The following FOCAD variants were observed in gnomAD, a reference collection of about 807,000 sequenced individuals.
The protein encoded by FOCAD is focadhesin, also known as KIAA1797.
FOCAD carries 198 observed loss-of-function variants against 225.6 expected under a neutral mutation model. The ratio of observed to expected loss-of-function variants is 0.88; its 90% CI spans 0.78 to 0.99. The LOEUF (loss-of-function observed/expected upper bound fraction) is 0.99. Among genes scored for constraint, FOCAD ranks in the 50% least tolerant of loss-of-function variants. The pLI, the probability that FOCAD is intolerant of heterozygous loss-of-function variation, is 0.00. For missense variants in FOCAD, 2,713 were observed against 2,123.6 expected, an observed-to-expected ratio of 1.28 and a Z score of -5.46; for synonymous variants, 897 against 755.0, an observed-to-expected ratio of 1.19 and a Z score of -3.08.
intron 35 of FOCAD, among the ~76,000 whole-genome samples, chr9:20,953,557 G>A (rs912661379): frequency 6.6e-6 from 1 of 152,146 alleles, no homozygotes; most frequent in Non-Finnish European, 1.5e-5. Flanking sequence ...TTGTGATTCT[G>A]TATTGCTGCC....
intron 5 of FOCAD, among the ~76,000 whole-genome samples, chr9:20,750,420 A>G (rs1315634806): frequency 6.6e-6 from 1 of 152,198 alleles, no homozygotes; most frequent in Non-Finnish European, 1.5e-5. Flanking sequence ...ATATTATATT[A>G]AATGCTTTAC....
chr9:20,875,793 C>T (rs1830178925), intron 19 of FOCAD: 1 of 151,974 alleles, frequency 6.6e-6, no homozygotes. Flanking sequence ...ATGTTATTTT[C>T]TGATCATTAA....
At chr9:20,791,080 G>A (rs1212760534) in intron 11 of FOCAD, among the ~76,000 whole-genome samples, 1 of 152,150 alleles carries the variant, frequency 6.6e-6, no homozygotes, top group African/African-American at 2.4e-5. Flanking sequence ...CACTTGGTAG[G>A]ATAATCTCTA....
At chr9:20,858,664 T>C (rs914351331) in intron 15 of FOCAD, among the ~76,000 whole-genome samples, 12 of 152,154 alleles carry the variant, frequency 7.9e-5, no homozygotes, top group Non-Finnish European at 1.6e-4. Flanking sequence ...TTTCTAGTTA[T>C]TTAAGATGTA....
At chr9:20,931,919 A>AGG (rs71496863) in intron 27 of FOCAD, among the ~76,000 whole-genome samples, 13 of 118,954 alleles carry the variant, frequency 1.1e-4, no homozygotes, top group African/African-American at 2.1e-4. Flanking sequence ...AAAAAAAAAA[A>AGG]GGGGGGGAGA....
chr9:20,862,492 T>G, intron 15 of FOCAD, 86 bp from the exon 16 acceptor site: 2 of 1,429,394 alleles, frequency 1.4e-6, no homozygotes, highest in South Asian at 1.5e-5. Context: ...TTAAGTTTCC[T>G]TATAATAAAA....
At chr9:20,968,614 G>T (rs547426004) in intron 35 of FOCAD, among the ~76,000 whole-genome samples, 16 of 151,236 alleles carry the variant, frequency 1.1e-4, no homozygotes, top group African/African-American at 3.9e-4. Context: ...GCTAATTTTT[G>T]TATTTTTAGT....
intron 35 of FOCAD, chr9:20,957,482 T>TTTTTTTTTC: frequency 8.6e-6 from 1 of 115,748 alleles, no homozygotes; most frequent in East Asian, 2.8e-4. Flanking sequence ...TCTTTTCTTT[T>TTTTTTTTTC]TTTTTTTTTT....
At chr9:20,809,487 G>A (rs1228232555) in intron 11 of FOCAD, among the ~76,000 whole-genome samples, 2 of 152,088 alleles carry the variant, frequency 1.3e-5, no homozygotes, top group African/African-American at 4.8e-5. Context: ...ATAGCCAAAT[G>A]TGGCTAGTGG....
intron 11 of FOCAD, among the ~76,000 whole-genome samples, chr9:20,808,643 C>G (rs1822720378): frequency 6.6e-6 from 1 of 152,070 alleles, no homozygotes; most frequent in Non-Finnish European, 1.5e-5. Flanking sequence ...AATAGATGTG[C>G]CTTGAAAAAT....
intron 17 of FOCAD, among the ~76,000 whole-genome samples, chr9:20,866,647 C>T (rs1474859703): frequency 2.0e-5 from 3 of 151,826 alleles, no homozygotes; most frequent in Non-Finnish European, 4.4e-5. Context: ...ATAATTTTTT[C>T]CAGTTGTTCT....
chr9:20,945,527 G>A (rs1837088134), intron 29 of FOCAD, among the ~76,000 whole-genome samples: 1 of 152,224 alleles, frequency 6.6e-6, no homozygotes, highest in South Asian at 2.1e-4. Context: ...TCTGCTTTCA[G>A]CAATAGGACT....
At chr9:20,658,123 C>T (rs969662945), upstream of FOCAD, among the ~76,000 whole-genome samples, 31 of 151,258 alleles carry the variant, frequency 2.0e-4, no homozygotes, top group Admixed American at 1.1e-3. Flanking sequence ...CTTGAGGAGG[C>T]AGTCTGCCCG....
At chr9:20,772,649 G>A (rs1351231913) in intron 8 of FOCAD, among the ~76,000 whole-genome samples, 1 of 152,090 alleles carries the variant, frequency 6.6e-6, no homozygotes, top group African/African-American at 2.4e-5. Flanking sequence ...TAACATTAGA[G>A]GGGCAGTTTC....
At chr9:20,872,608 CCTTT>C (rs1322684122) in intron 18 of FOCAD, among the ~76,000 whole-genome samples, 2 of 150,874 alleles carry the variant, frequency 1.3e-5, no homozygotes, top group Non-Finnish European at 3.0e-5. Context: ...TTCCTTCCTT[CCTTT>C]CTTTTCTCTT....
intron 21 of FOCAD, among the ~76,000 whole-genome samples, chr9:20,905,402 A>C (rs1013077796): frequency 3.9e-5 from 6 of 152,004 alleles, no homozygotes; most frequent in African/African-American, 1.4e-4. Context: ...TTTAAAAAGC[A>C]TTTGTGAGAC....
intron 11 of FOCAD, among the ~76,000 whole-genome samples, chr9:20,793,334 ATATC>A (rs1341956172): frequency 6.6e-6 from 1 of 152,188 alleles, no homozygotes; most frequent in Admixed American, 6.5e-5. Context: ...CCTTACATAT[ATATC>A]TGTAGGATAA....
chr9:20,941,442 C>A, intron 28 of FOCAD, among the ~76,000 whole-genome samples: 1 of 152,120 alleles, frequency 6.6e-6, no homozygotes, highest in East Asian at 1.9e-4. Flanking sequence ...GTTATTAGAA[C>A]TAATTATTAG....
chr9:20,656,938 G>A (rs1821502204), upstream of FOCAD, among the ~76,000 whole-genome samples: 1 of 151,460 alleles, frequency 6.6e-6, no homozygotes, highest in African/African-American at 2.4e-5. Flanking sequence ...TCCATGTTTA[G>A]CGCTTCCTTC....
Sources: allele counts gnomAD v4.1 joint callset (sites outside exome capture counted in the v4.1 genomes callset), GRCh38; gene constraint gnomAD v4.1.1; transcripts MANE v1.5; gene names NCBI Gene and HGNC (gene_info 2026-07-23, HGNC 2026-07-21).